TTC28: variants seen among roughly 807,000 people sequenced by gnomAD.
TTC28 encodes tetratricopeptide repeat domain 28.
Under a neutral mutation model 198.0 loss-of-function variants are expected in TTC28, and 61 were observed. The observed-to-expected ratio is 0.31, with a 90% CI of 0.25 to 0.38. The LOEUF (loss-of-function observed/expected upper bound fraction) is 0.38, where lower values mean the gene tolerates loss of function less well. TTC28 is among the 10% of genes least tolerant of loss of function. The pLI is 1.00. For missense variants in TTC28, 2,678 were observed against 3,164.0 expected (o/e 0.85, Z 3.69); for synonymous variants, 1,171 against 1,297.8 (o/e 0.90, Z 2.10).
chr22:28,487,100 G>A (rs1229890892), intron 2 of TTC28, among the ~76,000 whole-genome samples: 10 of 151,984 alleles, frequency 6.6e-5, no homozygotes, highest in East Asian at 1.9e-4. Flanking sequence ...TGGAAAAATC[G>A]ATGGTGAATT....
At chr22:28,391,597 T>C (rs1243165689) in intron 2 of TTC28, among the ~76,000 whole-genome samples, 2 of 152,242 alleles carry the variant, frequency 1.3e-5, no homozygotes, top group Non-Finnish European at 2.9e-5. Context: ...TCACTTCATC[T>C]TCCATCGCTG....
rs2049918785 is a variant in TTC28 at position 28,563,238 on chromosome 22, GTA to G, written c.381+66312_381+66313del. ...TGCTCAATGACCTTACATTGAAAATGTATATTTGTCATCCCTTTCTTACTGCC... is the reference window on the plus strand; with the variant it reads ...TGCTCAATGACCTTACATTGAAAATGTATTTGTCATCCCTTTCTTACTGCC... On this transcript the variant is annotated intron_variant, in intron 2 of 22. Transcript: ENST00000397906. Among the ~76,000 whole-genome samples, 3 of 152,162 alleles carry G rather than the reference GTA, an allele frequency of 2.0e-5. No individual in the cohort carries two copies. The South Asian group carries it at 6.2e-4, about 32-fold the overall frequency.
In TTC28 at chr22:28,098,966, C is replaced by T; in HGVS notation, c.3496G>A (p.Asp1166Asn). 2 of 1,551,814 alleles carry T rather than the reference C, an allele frequency of 1.3e-6. No individual in the cohort carries two copies. The highest frequency in any genetic ancestry group is 2.4e-5 in the South Asian group (2 of 84,064). ...GCCTGGTAGGATGATGTCTGCAGGT[C>T]AAAGAGGGAGAGTTTGTAGTCCGTG... ...LSTDYKLSLF[D>N]LQTSSYQALQ... The change falls in exon 10 of 23, where the codon GAC becomes AAC. Residue 1166 changes from aspartate to asparagine, a missense_variant. Coordinates refer to ENST00000397906, the MANE Select transcript of TTC28 (RefSeq NM_001145418.2).
intron 2 of TTC28, among the ~76,000 whole-genome samples, chr22:28,307,369 A>AT (rs1236749372): frequency 1.3e-5 from 2 of 152,156 alleles, no homozygotes; most frequent in Non-Finnish European, 2.9e-5. Flanking sequence ...AAATTTTAGA[A>AT]TTTTAGAATA....
chr22:28,085,387 C>A (rs532038628), intron 12 of TTC28, among the ~76,000 whole-genome samples: 22 of 152,206 alleles, frequency 1.4e-4, no homozygotes, highest in African/African-American at 4.3e-4. Context: ...ATTTTCAACC[C>A]AGAATTTCAT....
chr22:28,395,635 C>CA (rs66868492), intron 2 of TTC28, among the ~76,000 whole-genome samples: 1 of 100,092 alleles, frequency 1.0e-5, no homozygotes, highest in Admixed American at 8.1e-5. Context: ...ACCAAACAAA[C>CA]AAAAAAAAAA....
intron 5 of TTC28, among the ~76,000 whole-genome samples, chr22:28,188,722 G>A (rs1329883597): frequency 1.3e-5 from 2 of 152,076 alleles, no homozygotes; most frequent in African/African-American, 2.4e-5. Context: ...CCTTTGTTCT[G>A]CTCAGTTTCC....
At chr22:28,283,739 T>C (rs925527093) in intron 5 of TTC28, among the ~76,000 whole-genome samples, 3 of 152,154 alleles carry the variant, frequency 2.0e-5, no homozygotes, top group African/African-American at 7.2e-5. Flanking sequence ...ATTTTAGAGA[T>C]AGGGTCTCAC....
chr22:28,349,166 C>G (rs2045952520), intron 2 of TTC28, among the ~76,000 whole-genome samples: 1 of 152,142 alleles, frequency 6.6e-6, no homozygotes, highest in East Asian at 1.9e-4. Flanking sequence ...CAGTTACACA[C>G]ACATGCATGT....
Position 28,427,353 on chromosome 22 carries a change from C to T in TTC28, c.382-120710G>A, listed in dbSNP as rs146743328. On this transcript the variant is annotated intron_variant, in intron 2 of 22. Coordinates refer to ENST00000397906, the MANE Select transcript of TTC28 (RefSeq NM_001145418.2). The stretch of plus-strand genomic sequence containing the variant: ...TCCTTTCTTTCTTTCCAACTAATTT[C>T]AACTGTAAGAGGAAAAAAGGCCGAG... 4.1e-3 allele frequency among the ~76,000 whole-genome samples: 621 copies of T among 152,158 alleles called. 17 individuals are homozygous for T. Among genetic ancestry groups the T allele is most frequent in the Admixed American group, 0.035 (542 of 15,280 alleles).
rs531758417 is a variant in TTC28 at position 27,983,594 on chromosome 22, G to A, written c.6073C>T (p.Arg2025Trp). Residue 2025 changes from arginine (R) to tryptophan (W), a missense_variant, in exon 23 of 23, where the codon CGG becomes TGG. Around this residue, in one of 8 missense-constraint regions of TTC28, gnomAD observed 622 missense variants for 656.0 expected, o/e 0.95. Transcript: ENST00000397906. Reference protein sequence around the residue: ...GGPGGRQDHDRSKNAYLQRST... With the variant: ...GGPGGRQDHDWSKNAYLQRST... ...CTCTGCAGGTAAGCGTTCTTGGACCGGTCATGGTCCTGCCGTCCTCCGGGG... is the reference window on the plus strand; with the variant it reads ...CTCTGCAGGTAAGCGTTCTTGGACCAGTCATGGTCCTGCCGTCCTCCGGGG... The A allele has an allele frequency of 9.7e-6, 15 of 1,549,646 alleles. No homozygotes were observed. The highest frequency in any genetic ancestry group is 1.7e-4 in the Middle Eastern group (1 of 5,970).
At chr22:28,448,596 T>G (rs1264791320) in intron 2 of TTC28, among the ~76,000 whole-genome samples, 1 of 152,158 alleles carries the variant, frequency 6.6e-6, no homozygotes, top group Non-Finnish European at 1.5e-5. Flanking sequence ...GGGACAAAGG[T>G]AGAAGTGTAT....
intron 2 of TTC28, among the ~76,000 whole-genome samples, chr22:28,604,283 GAA>G (rs754524103): frequency 1.0e-4 from 8 of 77,342 alleles, no homozygotes; most frequent in Non-Finnish European, 1.7e-4. Flanking sequence ...GTCTTAAACA[GAA>G]AAAAAAAAAA....
chr22:27,998,397 C>CTGT, intron 16 of TTC28, 143 bp downstream of exon 16: 1 of 1,329,504 alleles, frequency 7.5e-7, no homozygotes, highest in Non-Finnish European at 1.0e-6. Flanking sequence ...CAAGACTCAG[C>CTGT]ACACAGGCTC....
intron 2 of TTC28, among the ~76,000 whole-genome samples, chr22:28,596,164 T>C (rs183284493): frequency 2.0e-5 from 3 of 152,298 alleles, no homozygotes; most frequent in Admixed American, 1.3e-4. Flanking sequence ...GATCTCTGAA[T>C]TGTAAGAAAA....
rs1405298039 is a variant in TTC28, at chr22:28,105,580, G to A, written c.3006C>T (p.Gly1002=). 27 of 1,551,712 alleles carry A rather than the reference G, an allele frequency of 1.7e-5. No individual in the cohort carries two copies. The highest frequency in any genetic ancestry group is 2.4e-5 in the Non-Finnish European group (27 of 1,147,002). Residue 1002 remains glycine (G), a synonymous_variant, in exon 8 of 23, where the codon GGC becomes GGT. Transcript: ENST00000397906. Reference sequence around the variant, plus strand: ...CCATCTGCTGGTAAACGCCCCCCAGGCCACAGGCTGCGTCACTCTCCAGGG... The same window carrying A: ...CCATCTGCTGGTAAACGCCCCCCAGACCACAGGCTGCGTCACTCTCCAGGG... ...DRALESDAAC[G]LGGVYQQMGE... is the part of the protein sequence containing the mutation.
chr22:28,192,020 C>G (rs1924842968), intron 5 of TTC28, among the ~76,000 whole-genome samples: 1 of 152,188 alleles, frequency 6.6e-6, no homozygotes, highest in Non-Finnish European at 1.5e-5. Context: ...GCCGAGTAGC[C>G]TAACTGGGAG....
rs551417966 is a variant in TTC28 at position 28,548,523 on chromosome 22, C to T, written c.381+81029G>A. 2.6e-5 allele frequency among the ~76,000 whole-genome samples: 4 copies of T among 152,338 alleles called. No individual in the cohort carries two copies. In the East Asian group the frequency reaches 7.7e-4, roughly 29 times the overall value. On this transcript the variant is annotated intron_variant, in intron 2 of 22. Transcript: ENST00000397906. ...AGTCACACTGGTTAACTAGCTTTCA[C>T]AAAGGGCAGCTTTACTGACATTAAC...
chr22:28,344,715 C>T (rs2045880715), intron 2 of TTC28, among the ~76,000 whole-genome samples: 1 of 152,080 alleles, frequency 6.6e-6, no homozygotes, highest in South Asian at 2.1e-4. Context: ...AAACAAGTCT[C>T]CCTAACCTTA....
Sources: gnomAD v4.1 joint callset for allele counts (sites outside exome capture counted in the v4.1 genomes callset) on GRCh38, gnomAD v4.1.1 for gene constraint, gnomAD v4.1.1 regional missense constraint, MANE v1.5 for transcripts, NCBI Gene and HGNC (gene_info 2026-07-23, HGNC 2026-07-21) for gene names.